Variants in DCDC1 observed in about 807,000 individuals in gnomAD.
DCDC1 encodes the protein doublecortin domain-containing protein 1.
DCDC1 carries 200 observed loss-of-function variants against 178.3 expected under a neutral mutation model. That is an observed-to-expected ratio of 1.12 (90% CI 1.00 to 1.26). The LOEUF (loss-of-function observed/expected upper bound fraction) is 1.26, where lower values mean the gene tolerates loss of function less well. Among genes scored for constraint, DCDC1 ranks in the 50% most tolerant of loss-of-function variants. The pLI is 0.00. For missense variants in DCDC1, 1,983 were observed against 1,749.2 expected (o/e 1.13, Z -2.38); for synonymous variants, 690 against 604.8 (o/e 1.14, Z -2.07).
chr11:30,958,380 T>G (rs1184408181), intron 20 of DCDC1, among the ~76,000 whole-genome samples: 1 of 152,122 alleles, frequency 6.6e-6, no homozygotes, highest in Non-Finnish European at 1.5e-5. Context: ...AATGTTTATA[T>G]ATTGACCTGA....
At chr11:31,089,288 A>G (rs898706226) in intron 17 of DCDC1, among the ~76,000 whole-genome samples, 2 of 152,168 alleles carry the variant, frequency 1.3e-5, no homozygotes, top group Admixed American at 6.5e-5. Context: ...ATTGTTACCA[A>G]CAAGAAATCT....
chr11:30,968,711 T>TATATATATATA (rs1949594817), intron 20 of DCDC1, among the ~76,000 whole-genome samples: 26 of 61,028 alleles, frequency 4.3e-4, no homozygotes, highest in African/African-American at 8.6e-4. Flanking sequence ...ATATATCAAA[T>TATATATATATA]TATATATATA....
chr11:31,177,022 G>T (rs1968129238), intron 9 of DCDC1, among the ~76,000 whole-genome samples: 1 of 152,076 alleles, frequency 6.6e-6, no homozygotes, highest in African/African-American at 2.4e-5. Flanking sequence ...TAATGCAATG[G>T]TGCTATGTAA....
intron 9 of DCDC1, among the ~76,000 whole-genome samples, chr11:31,139,815 T>C (rs1963597583): frequency 6.6e-6 from 1 of 151,672 alleles, no homozygotes; most frequent in South Asian, 2.1e-4. Context: ...CACTAGCTAA[T>C]CTACATAAAA....
At chr11:31,158,308 G>A (rs536806112) in intron 9 of DCDC1, among the ~76,000 whole-genome samples, 132 of 151,440 alleles carry the variant, frequency 8.7e-4, no homozygotes, top group African/African-American at 3.1e-3. Flanking sequence ...TAGTAGAGAC[G>A]GGGTTTCACC....
chr11:31,290,379 T>C (rs987535011), intron 7 of DCDC1, among the ~76,000 whole-genome samples: 1 of 152,016 alleles, frequency 6.6e-6, no homozygotes, highest in Non-Finnish European at 1.5e-5. Flanking sequence ...TTTTCTCTAG[T>C]AGAAACATAA....
chr11:31,290,793 C>G lies in DCDC1; in HGVS notation c.814G>C (p.Asp272His). The G allele has an allele frequency of 6.2e-7, 1 of 1,613,434 alleles. No individual in the cohort carries two copies. Among genetic ancestry groups the G allele is most frequent in the South Asian group, 1.1e-5 (1 of 91,044 alleles). The stretch of plus-strand genomic sequence containing the variant: ...GGCTTGGTTTTCCGTCTTTTGATAT[C>G]AGTAGGAAGCATCAACCCATTCATT... The part of the protein sequence containing the change: ...WTMNGLMLPT[D>H]IKRRKTKPVL... Residue 272 changes from aspartate to histidine, a missense_variant, in exon 7 of 39, where the codon GAT (aspartate) becomes CAT (histidine). Asp to His is a moderately conservative substitution (Grantham distance 81, BLOSUM62 -1). Transcript: ENST00000684477.
At chr11:30,871,579 T>A (rs1222598598) in intron 38 of DCDC1, among the ~76,000 whole-genome samples, 1 of 152,138 alleles carries the variant, frequency 6.6e-6, no homozygotes, top group Non-Finnish European at 1.5e-5. Context: ...TCCCTCTCTA[T>A]CTATCTTTTT....
intron 6 of DCDC1, among the ~76,000 whole-genome samples, chr11:31,304,589 T>C (rs1020312778): frequency 6.6e-6 from 1 of 152,126 alleles, no homozygotes; most frequent in Admixed American, 6.6e-5. Flanking sequence ...AGATCAAGTA[T>C]TATATAAAAG....
chr11:31,065,949 G>A (rs1049856285), intron 18 of DCDC1, among the ~76,000 whole-genome samples: 16 of 152,148 alleles, frequency 1.1e-4, no homozygotes, highest in East Asian at 7.7e-4. Flanking sequence ...TGGGCTCCCC[G>A]GTCAAGTTTT....
intron 35 of DCDC1, among the ~76,000 whole-genome samples, chr11:30,893,871 A>G (rs142069165): frequency 6.6e-6 from 1 of 152,308 alleles, no homozygotes; most frequent in Non-Finnish European, 1.5e-5. Flanking sequence ...TCTCCATTGC[A>G]ATTAGTATTT....
At position 31,176,757 on chromosome 11, in the gene DCDC1, CTGA is replaced by C. The variant is rs528737538; in HGVS notation, c.1222-38976_1222-38974del. On this transcript the variant is annotated intron_variant, in intron 9 of 38. Coordinates refer to ENST00000684477, the MANE Select transcript of DCDC1 (RefSeq NM_001387274.1). ...AGAATGGGATAATACATTCAAAGTT[CTGA>C]AGGAAAAAAAATACTCAGCAAAGAA... is the stretch of plus-strand genomic sequence containing the variant. Among the ~76,000 whole-genome samples the C allele has an allele frequency of 3.9e-3, 597 of 152,084 alleles. 4 individuals carry two copies. Among genetic ancestry groups the C allele is most frequent in the Non-Finnish European group, 7.2e-3 (487 of 67,960 alleles).
intron 9 of DCDC1, among the ~76,000 whole-genome samples, chr11:31,194,556 T>TA (rs1292044191): frequency 6.6e-6 from 1 of 152,106 alleles, no homozygotes; most frequent in African/African-American, 2.4e-5. Flanking sequence ...TCCATAACTC[T>TA]ACTTTTTAGT....
chr11:31,259,074 A>T (rs1291647965), intron 8 of DCDC1, among the ~76,000 whole-genome samples: 1 of 152,048 alleles, frequency 6.6e-6, no homozygotes, highest in Non-Finnish European at 1.5e-5. Context: ...GTTCCCTAAG[A>T]GCGCGGTGGC....
chr11:30,939,179 G>A (rs1467222489), intron 21 of DCDC1, among the ~76,000 whole-genome samples: 3 of 152,122 alleles, frequency 2.0e-5, no homozygotes, highest in African/African-American at 7.2e-5. Flanking sequence ...TTGCCGCAGG[G>A]CTTGCTTTTC....
chr11:31,020,829 C>T (rs547055612), intron 20 of DCDC1, among the ~76,000 whole-genome samples: 2 of 151,954 alleles, frequency 1.3e-5, no homozygotes, highest in Non-Finnish European at 2.9e-5. Context: ...TAAGTAAACT[C>T]GAAAAAAATT....
At chr11:30,984,375 A>G (rs2134837868) in intron 20 of DCDC1, among the ~76,000 whole-genome samples, 1 of 152,298 alleles carries the variant, frequency 6.6e-6, no homozygotes, top group East Asian at 1.9e-4. Context: ...CCTCACTTCA[A>G]AAACAACCTT....
chr11:30,944,906 A>G (rs975700501), intron 21 of DCDC1, among the ~76,000 whole-genome samples: 7 of 147,448 alleles, frequency 4.7e-5, no homozygotes, highest in African/African-American at 1.7e-4. Flanking sequence ...AGTAGTTTGT[A>G]TTCATGCCTA....
At chr11:31,250,138 C>T (rs188928992) in intron 8 of DCDC1, among the ~76,000 whole-genome samples, 241 of 151,884 alleles carry the variant, frequency 1.6e-3, no homozygotes, top group Non-Finnish European at 2.6e-3. Flanking sequence ...CTGTATGCCC[C>T]TTCCCAGATA....
Sources: gnomAD v4.1 joint callset for allele counts (sites outside exome capture counted in the v4.1 genomes callset) on GRCh38, gnomAD v4.1.1 for gene constraint, MANE v1.5 for transcripts, NCBI Gene and HGNC (gene_info 2026-07-23, HGNC 2026-07-21) for gene names.